EFHC1: variants seen among roughly 807,000 people sequenced by gnomAD.
EFHC1 encodes the protein EF-hand domain containing 1.
EFHC1 carries 53 observed loss-of-function variants against 69.9 expected under a neutral mutation model. The ratio of observed to expected loss-of-function variants is 0.76; its 90% CI spans 0.61 to 0.95. The LOEUF is 0.95. EFHC1 is among the 40% of genes least tolerant of loss of function. The pLI, the probability that EFHC1 is intolerant of heterozygous loss-of-function variation, is 0.00. For synonymous variants in EFHC1, 256 were observed against 278.4 expected (o/e 0.92, Z 0.80); for missense variants, 739 against 798.7 (o/e 0.93, Z 0.90).
intron 9 of EFHC1, chr6:52,486,177 T>C (rs542552008): frequency 3.4e-4 from 52 of 152,370 alleles, no homozygotes; most frequent in African/African-American, 1.2e-3. Flanking sequence ...GTACTTTTTA[T>C]GTCAATTGTC....
chr6:52,481,294 C>T (rs1765668788), intron 9 of EFHC1, among the ~76,000 whole-genome samples: 3 of 151,952 alleles, frequency 2.0e-5, no homozygotes, highest in African/African-American at 7.3e-5. Context: ...GGGGAAGATG[C>T]GGGATGTGGG....
rs137852776 is a variant in EFHC1, at chr6:52,452,799, T to C, written c.685T>C (p.Phe229Leu). 3.3e-3 allele frequency: 5,325 copies of C among 1,614,032 alleles called. 28 individuals carry two copies. Among genetic ancestry groups the C allele is most frequent in the Middle Eastern group, 0.017 (104 of 6,062 alleles). ...PLRKYVTPSD[F>L]DQLKQFLTFD... Reference sequence around the variant, plus strand: ...TCGTAAGTATGTCACCCCATCAGACTTTGATCAACTCAAGCAATTTCTCAC... The same window carrying C: ...TCGTAAGTATGTCACCCCATCAGACCTTGATCAACTCAAGCAATTTCTCAC... The change falls in exon 4 of 11, where the codon TTT (phenylalanine) becomes CTT (leucine). Residue 229 changes from phenylalanine (F) to leucine (L), a missense_variant. By Grantham distance (22) the Phe-to-Leu change is conservative. Coordinates refer to ENST00000371068, the MANE Select transcript of EFHC1 (RefSeq NM_018100.4).
At chr6:52,450,928 A>G (rs113758293) in intron 3 of EFHC1, among the ~76,000 whole-genome samples, 2,803 of 152,202 alleles carry the variant, frequency 0.018, 97 homozygotes, top group African/African-American at 0.064. Context: ...CCTCCCGAGT[A>G]GCTGGGATTA....
chr6:52,479,621 G>C lies in EFHC1; in HGVS notation c.1493-19G>C. 3 of 1,614,184 alleles carry C rather than the reference G, an allele frequency of 1.9e-6. No individual in the cohort carries two copies. The highest frequency in any genetic ancestry group is 1.7e-6 in the Non-Finnish European group (2 of 1,180,020). On this transcript the variant is annotated intron_variant, in intron 8 of 10. Coordinates refer to ENST00000371068, the MANE Select transcript of EFHC1 (RefSeq NM_018100.4). ...GAGAGAACATCACCAAGCTAAGTGTGTTGCTACCTTCTCTCCAGTGTTTGG... is the reference window on the plus strand; with the variant it reads ...GAGAGAACATCACCAAGCTAAGTGTCTTGCTACCTTCTCTCCAGTGTTTGG...
intron 3 of EFHC1, among the ~76,000 whole-genome samples, chr6:52,451,632 T>C (rs1764918838): frequency 6.6e-6 from 1 of 152,180 alleles, no homozygotes; most frequent in African/African-American, 2.4e-5. Flanking sequence ...TCTCCTTGCA[T>C]AGAATCTTGC....
At position 52,469,346 on chromosome 6, in the gene EFHC1, A is replaced by G. The variant is rs777659552; in HGVS notation, c.1151A>G (p.Tyr384Cys). ...ATGTATCTCCAGGAGTTGCCTCCTT[A>G]TAACGGTTTTGGACTAGTGGAAGAT... ...PPPVKQELPP[Y>C]NGFGLVEDSA... Residue 384 changes from tyrosine (Y) to cysteine (C), a missense_variant, in exon 7 of 11, where the codon TAT (tyrosine) becomes TGT (cysteine). Transcript: ENST00000371068. 30 of 1,613,886 alleles carry G rather than the reference A, an allele frequency of 1.9e-5. No individual in the cohort carries two copies. The highest frequency in any genetic ancestry group is 2.5e-5 in the Non-Finnish European group (29 of 1,179,940).
At chr6:52,474,862 T>C (rs1765511941) in intron 7 of EFHC1, among the ~76,000 whole-genome samples, 1 of 152,184 alleles carries the variant, frequency 6.6e-6, no homozygotes, top group Non-Finnish European at 1.5e-5. Context: ...TTCAAGGCAA[T>C]GGCCTGTTTG....
intron 10 of EFHC1, among the ~76,000 whole-genome samples, chr6:52,491,837 AT>A (rs1266308668): frequency 1.3e-5 from 2 of 152,240 alleles, no homozygotes; most frequent in Non-Finnish European, 2.9e-5. Flanking sequence ...GGTTCACATT[AT>A]TGCTAACAGG....
chr6:52,423,668 T>TTC, intron 1 of EFHC1: 2 of 451,174 alleles, frequency 4.4e-6, no homozygotes, highest in Non-Finnish European at 3.8e-6. Context: ...TTTTTTTTTT[T>TTC]TTTTTTTTTT....
intron 2 of EFHC1, among the ~76,000 whole-genome samples, chr6:52,438,070 G>T (rs111997799): frequency 2.0e-5 from 3 of 152,090 alleles, no homozygotes; most frequent in African/African-American, 7.2e-5. Flanking sequence ...ATTTAAATAT[G>T]TAAAACCCAC....
chr6:52,432,229 A>G (rs1484284663), intron 2 of EFHC1, among the ~76,000 whole-genome samples: 3 of 152,176 alleles, frequency 2.0e-5, no homozygotes, highest in Non-Finnish European at 4.4e-5. Context: ...CATTCTGTTC[A>G]TCGTGGTATT....
rs142765520 is a variant in EFHC1 at position 52,452,994 on chromosome 6, G to A, written c.723+157G>A. On this transcript the variant is annotated intron_variant, in intron 4 of 10. Coordinates refer to ENST00000371068, the MANE Select transcript of EFHC1 (RefSeq NM_018100.4). The stretch of plus-strand genomic sequence containing the variant: ...AGTACTGTCTTTCTGCTTTCATCAA[G>A]GGTTACAGGTACAGGAATGCCTACA... 1.2e-5 allele frequency: 18 copies of A among 1,557,324 alleles called. No homozygotes were observed. The East Asian group carries it at 4.0e-4, about 35-fold the overall frequency.
chr6:52,494,376 C>CT lies in EFHC1; in HGVS notation c.*2037dup, dbSNP rs1230713104. ...ACTGGGGTGATGATAGTGGTTTCTT[C>CT]TTACTCCCTTCTTTCTGTCTTCTGC... is the stretch of plus-strand genomic sequence containing the variant. On this transcript the variant is annotated 3_prime_UTR_variant, in exon 11 of 11. Coordinates refer to ENST00000371068, the MANE Select transcript of EFHC1 (RefSeq NM_018100.4). 2.2e-6 allele frequency: 1 copy of CT among 454,088 alleles called. No homozygotes were observed. The highest frequency in any genetic ancestry group is 4.4e-6 in the Non-Finnish European group (1 of 226,786). 28.1% of individuals were successfully genotyped at this position (454,088 alleles called of 1,614,324 possible).
At chr6:52,453,271 C>A (rs991948601) in intron 4 of EFHC1, 5 of 1,287,942 alleles carry the variant, frequency 3.9e-6, no homozygotes, top group Non-Finnish European at 5.1e-6. Context: ...TTCACAGAAG[C>A]CCCACTACAG....
chr6:52,465,228 AAC>A, intron 6 of EFHC1, 113 bp downstream of exon 6: 1 of 892,850 alleles, frequency 1.1e-6, no homozygotes, highest in Non-Finnish European at 1.7e-6. Flanking sequence ...AAGTATATGT[AAC>A]ACAGTAGTTC....
At chr6:52,421,736 A>G (rs1183254452) in intron 1 of EFHC1, among the ~76,000 whole-genome samples, 1 of 152,234 alleles carries the variant, frequency 6.6e-6, no homozygotes, top group Non-Finnish European at 1.5e-5. Flanking sequence ...TTATCCCTGC[A>G]TTAAGACACA....
chr6:52,451,163 A>G lies in EFHC1; in HGVS notation c.574-1525A>G, dbSNP rs149771434. On this transcript the variant is annotated intron_variant, in intron 3 of 10. Transcript: ENST00000371068. ...TTAAGATTAGTGTTGATATGTGTAG[A>G]TTTGATCCTGTCATTGTGTTGTTAG... 2.6e-5 allele frequency among the ~76,000 whole-genome samples: 4 copies of G among 152,112 alleles called. No individual in the cohort carries two copies. The East Asian group carries it at 7.7e-4, about 29-fold the overall frequency.
At chr6:52,442,774 A>G (rs948384520) in intron 3 of EFHC1, among the ~76,000 whole-genome samples, 1 of 152,200 alleles carries the variant, frequency 6.6e-6, no homozygotes, top group Non-Finnish European at 1.5e-5. Context: ...ATGTGACTTT[A>G]TAGCAGCATG....
intron 5 of EFHC1, among the ~76,000 whole-genome samples, chr6:52,463,139 C>T (rs1255806588): frequency 1.3e-5 from 2 of 151,132 alleles, no homozygotes; most frequent in African/African-American, 4.9e-5. Context: ...ACCATTCTCC[C>T]GCCTCAGCCT....
Sources: gnomAD v4.1 joint callset for allele counts (sites outside exome capture counted in the v4.1 genomes callset) on GRCh38, gnomAD v4.1.1 for gene constraint, MANE v1.5 for transcripts, NCBI Gene and HGNC (gene_info 2026-07-23, HGNC 2026-07-21) for gene names.